NBAS: variants seen among roughly 807,000 people sequenced by gnomAD.
NBAS encodes the protein NAG/BC035112 fusion.
Under a neutral mutation model 302.5 loss-of-function variants are expected in NBAS, and 219 were observed. That is an observed-to-expected ratio of 0.72 (90% confidence interval 0.65 to 0.81). NBAS has a LOEUF of 0.81. Among genes scored for constraint, NBAS ranks in the 30% least tolerant of loss-of-function variants. The pLI is 0.00. For missense variants in NBAS, 2,932 were observed against 2,841.6 expected (o/e 1.03, Z -0.72); for synonymous variants, 1,118 against 1,021.6 (o/e 1.09, Z -1.80).
At chr2:15,222,244 A>C (rs996965125) in intron 47 of NBAS, among the ~76,000 whole-genome samples, 4 of 152,204 alleles carry the variant, frequency 2.6e-5, no homozygotes, top group African/African-American at 9.7e-5. Context: ...GATTAGAAAA[A>C]TGTATGGGCT....
intron 4 of NBAS, among the ~76,000 whole-genome samples, 153 bp downstream of exon 4, chr2:15,553,908 A>G (rs555103518): frequency 8.5e-4 from 120 of 141,320 alleles, no homozygotes; most frequent in Middle Eastern, 7.2e-3. Flanking sequence ...CTCTCTCTCT[A>G]AAAAGTTTAA....
chr2:15,559,795 T>C (rs1664826266), intron 1 of NBAS, among the ~76,000 whole-genome samples: 1 of 152,232 alleles, frequency 6.6e-6, no homozygotes, highest in African/African-American at 2.4e-5. Flanking sequence ...GGTTACTTTT[T>C]TGGAATCAAT....
At chr2:14,913,117 T>C in the NBAS span, among the ~76,000 whole-genome samples, 288 of 152,336 alleles carry the variant, frequency 1.9e-3, 3 homozygotes, top group African/African-American at 6.7e-3. Flanking sequence ...TTTATTTAAC[T>C]TTCATCCACT....
rs75097147 is a variant in NBAS, at chr2:15,467,999, T to C, written c.1878-195A>G. Among the ~76,000 whole-genome samples the C allele has an allele frequency of 0.054, 8,181 of 152,216 alleles. 315 individuals are homozygous for C. The highest frequency in any genetic ancestry group is 0.079 in the Non-Finnish European group (5,383 of 68,002). On this transcript the variant is annotated intron_variant, in intron 17 of 51. Transcript: ENST00000281513. ...AGATGGGCAAAAAGTCATCAGTAAT[T>C]ATTACAAATAGAAATCTAAAAATCA...
the NBAS span, among the ~76,000 whole-genome samples, chr2:15,120,933 C>G: frequency 6.6e-6 from 1 of 152,154 alleles, no homozygotes; most frequent in African/African-American, 2.4e-5. Context: ...ACCTTTTCCC[C>G]TAATAAAATG....
the NBAS span, among the ~76,000 whole-genome samples, chr2:15,086,140 T>A: frequency 6.6e-6 from 1 of 151,980 alleles, no homozygotes; most frequent in East Asian, 1.9e-4. Context: ...CATGGACCAA[T>A]CCCCATGCAC....
At chr2:14,995,704 C>T in the NBAS span, among the ~76,000 whole-genome samples, 1 of 152,208 alleles carries the variant, frequency 6.6e-6, no homozygotes, top group Non-Finnish European at 1.5e-5. Context: ...CAGAGCTGAG[C>T]TGTGTCTCCC....
At chr2:15,046,308 A>G in the NBAS span, among the ~76,000 whole-genome samples, 1 of 152,226 alleles carries the variant, frequency 6.6e-6, no homozygotes, top group Non-Finnish European at 1.5e-5. Flanking sequence ...ATACAAATCT[A>G]TTCTAACTGG....
the NBAS span, among the ~76,000 whole-genome samples, chr2:14,862,419 T>G: frequency 6.6e-6 from 1 of 152,150 alleles, no homozygotes. Flanking sequence ...GCCCGGCCTA[T>G]TTAAACAATT....
chr2:14,855,244 C>G, the NBAS span, among the ~76,000 whole-genome samples: 1 of 151,992 alleles, frequency 6.6e-6, no homozygotes, highest in Non-Finnish European at 1.5e-5. Flanking sequence ...CTGAAGAGCC[C>G]TTATGCAATG....
chr2:15,515,299 C>T (rs1662336189), intron 9 of NBAS, among the ~76,000 whole-genome samples: 1 of 152,046 alleles, frequency 6.6e-6, no homozygotes, highest in Admixed American at 6.6e-5. Flanking sequence ...GATGACAGAC[C>T]AATCTGAAGA....
chr2:14,812,724 T>C, the NBAS span, among the ~76,000 whole-genome samples: 1 of 151,814 alleles, frequency 6.6e-6, no homozygotes. Flanking sequence ...ATTTGGTTTC[T>C]AGTTCCTTCA....
chr2:15,210,936 A>G (rs1666378695), intron 48 of NBAS, among the ~76,000 whole-genome samples: 1 of 152,188 alleles, frequency 6.6e-6, no homozygotes, highest in Non-Finnish European at 1.5e-5. Context: ...TATTGAACTC[A>G]TGCAGATAGA....
intron 44 of NBAS, among the ~76,000 whole-genome samples, chr2:15,270,194 T>C (rs1462730344): frequency 6.6e-6 from 1 of 152,230 alleles, no homozygotes; most frequent in Non-Finnish European, 1.5e-5. Flanking sequence ...TTAATTTTTT[T>C]TGTTTTAGAC....
the NBAS span, among the ~76,000 whole-genome samples, chr2:14,835,216 T>A: frequency 6.6e-6 from 1 of 152,044 alleles, no homozygotes; most frequent in East Asian, 1.9e-4. Flanking sequence ...GAATTTGAAG[T>A]GCCAATGGAA....
At chr2:15,438,867 A>G (rs1004407737) in intron 21 of NBAS, among the ~76,000 whole-genome samples, 3 of 152,220 alleles carry the variant, frequency 2.0e-5, no homozygotes, top group African/African-American at 7.2e-5. Flanking sequence ...TGGGGAAACC[A>G]ACCAAAGGAG....
intron 5 of NBAS, 135 bp from the exon 6 acceptor site, chr2:15,551,671 C>T (rs557019877): frequency 7.7e-5 from 48 of 621,906 alleles, no homozygotes; most frequent in African/African-American, 7.5e-4. Flanking sequence ...GGTTTTGTGG[C>T]TCAATTATGA....
chr2:15,326,372 G>A (rs538240181), intron 38 of NBAS, among the ~76,000 whole-genome samples: 25 of 152,174 alleles, frequency 1.6e-4, no homozygotes, highest in Middle Eastern at 3.4e-3. Flanking sequence ...TAAAAATATC[G>A]TATAAACCAA....
chr2:15,165,306 G>A (rs933804366), downstream of NBAS, among the ~76,000 whole-genome samples: 1 of 152,198 alleles, frequency 6.6e-6, no homozygotes, highest in Admixed American at 6.5e-5. Flanking sequence ...TTTTGGCCGC[G>A]TGGGTCTGTC....
Sources: gnomAD v4.1 joint callset for allele counts (sites outside exome capture counted in the v4.1 genomes callset) on GRCh38, gnomAD v4.1.1 for gene constraint, MANE v1.5 for transcripts, NCBI Gene and HGNC (gene_info 2026-07-23, HGNC 2026-07-21) for gene names.